Variants in LRRFIP1 observed in about 807,000 individuals in gnomAD.
LRRFIP1 encodes the protein LRR binding FLII interacting protein 1, also known as leucine-rich repeat flightless-interacting protein 1.
A neutral mutation model predicts 104.4 loss-of-function variants in LRRFIP1; 62 were observed. The observed-to-expected ratio is 0.59, with a 90% confidence interval of 0.48 to 0.73. The LOEUF (loss-of-function observed/expected upper bound fraction) is 0.73. Ranked by LOEUF, LRRFIP1 falls within the 30% of genes least tolerant of loss-of-function variation. The pLI is 0.00. For missense variants in LRRFIP1, 796 were observed against 824.5 expected, an observed-to-expected ratio of 0.97 and a Z score of 0.42; for synonymous variants, 300 against 299.0, an observed-to-expected ratio of 1.00 and a Z score of -0.03.
chr2:237,746,332 TAC>T (rs1269804581), intron 11 of LRRFIP1, among the ~76,000 whole-genome samples: 6 of 152,308 alleles, frequency 3.9e-5, no homozygotes, highest in African/African-American at 1.4e-4. Flanking sequence ...GTACTGGGAT[TAC>T]AGACAGGAGC....
chr2:237,724,083 G>A (rs1209088536), intron 7 of LRRFIP1, among the ~76,000 whole-genome samples: 1 of 139,532 alleles, frequency 7.2e-6, no homozygotes, highest in Non-Finnish European at 1.5e-5. Flanking sequence ...AGTATTCTTT[G>A]AGAAAACTCC....
chr2:237,727,732 A>G (rs915204209), intron 7 of LRRFIP1, 144 bp from the exon 8 acceptor site: 1 of 515,214 alleles, frequency 1.9e-6, no homozygotes, highest in African/African-American at 1.9e-5. Context: ...GGGAGCTGCC[A>G]GGACTTGTAC....
intron 19 of LRRFIP1, chr2:237,763,265 G>A: frequency 6.2e-7 from 1 of 1,614,150 alleles, no homozygotes; most frequent in Non-Finnish European, 8.5e-7. Context: ...CAAGACAGAA[G>A]TTCCTGGTTC....
Position 237,708,558 on chromosome 2 carries a change from C to A in LRRFIP1, c.111C>A (p.Leu37=). ...NQIAREAEAR[L]AAKRAARAEA... is the part of the protein sequence containing the mutation. ...GTCCGTTTCAGGCGGAAGCCCGGCT[C>A]GCTGCAAAACGGGCGGCCCGCGCGG... Residue 37 remains leucine, a synonymous_variant, in exon 2 of 24, where the codon CTC becomes CTA. Transcript: ENST00000308482. The A allele has an allele frequency of 6.3e-7, 1 of 1,581,362 alleles. No individual in the cohort carries two copies.
chr2:237,714,935 G>T (rs1407639271), intron 3 of LRRFIP1, among the ~76,000 whole-genome samples: 1 of 152,200 alleles, frequency 6.6e-6, no homozygotes, highest in Non-Finnish European at 1.5e-5. Flanking sequence ...TATAGAATTT[G>T]TATACACGGG....
At chr2:237,670,741 G>A (rs567636455) in intron 1 of LRRFIP1, among the ~76,000 whole-genome samples, 10 of 152,334 alleles carry the variant, frequency 6.6e-5, no homozygotes, top group African/African-American at 2.2e-4. Flanking sequence ...CAGGACTATG[G>A]GACCTCTGCA....
chr2:237,748,882 C>G (rs1024586836), intron 12 of LRRFIP1, among the ~76,000 whole-genome samples: 19 of 152,220 alleles, frequency 1.2e-4, no homozygotes. Context: ...CTTTAATTGA[C>G]TCACAGTTCC....
chr2:237,757,522 A>G lies in LRRFIP1; in HGVS notation c.1198A>G (p.Ile400Val). 7 of 1,588,472 alleles carry G rather than the reference A, an allele frequency of 4.4e-6. No individual in the cohort carries two copies. The highest frequency in any genetic ancestry group is 6.0e-6 in the Non-Finnish European group (7 of 1,166,862). Residue 400 changes from isoleucine to valine, a missense_variant, in exon 17 of 24, where the codon ATA (isoleucine) becomes GTA (valine). Physicochemically the swap from Ile to Val is conservative, Grantham distance 29. Transcript: ENST00000308482. ...IREISDLQET[I>V]EWKDKKIGAL... ...GGAGATTTCTGATCTTCAGGAAACAATAGAGTGGAAAGACAAAAAGATAGG... is the reference window on the plus strand; with the variant it reads ...GGAGATTTCTGATCTTCAGGAAACAGTAGAGTGGAAAGACAAAAAGATAGG...
At chr2:237,734,374 A>G (rs2095161529) in intron 9 of LRRFIP1, among the ~76,000 whole-genome samples, 1 of 134,028 alleles carries the variant, frequency 7.5e-6, no homozygotes, top group South Asian at 2.3e-4. Context: ...TACGCCTCCC[A>G]GGTTCAAGTG....
In LRRFIP1 at chr2:237,737,872, TAGTA is replaced by T. The variant is rs1400705767; in HGVS notation, c.556-1358_556-1355del. The stretch of plus-strand genomic sequence containing the variant: ...CGTCTTGCCCCTGAGTGTAAGTGTA[TAGTA>T]AACATTTATCAAATAAAATAGAGGT... On this transcript the variant is annotated intron_variant, in intron 10 of 23. Coordinates refer to ENST00000308482, the MANE Select transcript of LRRFIP1 (RefSeq NM_001137550.2). Among the ~76,000 whole-genome samples, 11 of 152,336 alleles carry T rather than the reference TAGTA, an allele frequency of 7.2e-5. No individual in the cohort carries two copies. In the East Asian group the frequency reaches 2.1e-3, roughly 29 times the overall value.
At chr2:237,759,539 TGTCTGCAGTTGGGAA>T (rs938101175) in intron 18 of LRRFIP1, among the ~76,000 whole-genome samples, 1 of 152,222 alleles carries the variant, frequency 6.6e-6, no homozygotes, top group African/African-American at 2.4e-5. Flanking sequence ...GGGTGAGTGA[TGTCTGCAGTTGGGAA>T]GTGCTGCTGT....
chr2:237,704,446 G>T (rs538072348), intron 1 of LRRFIP1, among the ~76,000 whole-genome samples: 3 of 152,272 alleles, frequency 2.0e-5, no homozygotes, highest in Admixed American at 6.5e-5. Context: ...GAACCACCGC[G>T]CCTGGCCAAC....
At chr2:237,668,663 G>A (rs958689958) in intron 1 of LRRFIP1, among the ~76,000 whole-genome samples, 8 of 151,884 alleles carry the variant, frequency 5.3e-5, no homozygotes, top group Non-Finnish European at 8.8e-5. Flanking sequence ...TGACTTCCTC[G>A]GCTGGGGTAG....
intron 1 of LRRFIP1, among the ~76,000 whole-genome samples, chr2:237,658,099 C>A (rs972364136): frequency 1.9e-4 from 29 of 152,290 alleles, no homozygotes; most frequent in Admixed American, 6.5e-4. Flanking sequence ...TTTAGGAAGG[C>A]AGCTGGGTAT....
chr2:237,744,243 G>T (rs1237766781), intron 11 of LRRFIP1, among the ~76,000 whole-genome samples: 1 of 152,210 alleles, frequency 6.6e-6, no homozygotes. Context: ...CCCTTAAAAT[G>T]GGTGTTTTCT....
chr2:237,682,534 T>C (rs1276041117), intron 1 of LRRFIP1, among the ~76,000 whole-genome samples: 1 of 152,212 alleles, frequency 6.6e-6, no homozygotes, highest in Non-Finnish European at 1.5e-5. Flanking sequence ...TTCTCTCCCA[T>C]CGGCTTACTC....
At chr2:237,726,101 A>G (rs2094737821) in intron 7 of LRRFIP1, among the ~76,000 whole-genome samples, 1 of 152,224 alleles carries the variant, frequency 6.6e-6, no homozygotes, top group Non-Finnish European at 1.5e-5. Flanking sequence ...TTGTTGCTGA[A>G]GACATGAAAG....
At chr2:237,693,901 G>A (rs2092986777) in intron 1 of LRRFIP1, among the ~76,000 whole-genome samples, 1 of 152,184 alleles carries the variant, frequency 6.6e-6, no homozygotes, top group Non-Finnish European at 1.5e-5. Context: ...CCTCCTGGGC[G>A]GGTCTGGGTT....
At position 237,758,787 on chromosome 2, in the gene LRRFIP1, GAGA is replaced by G. The variant is rs543200323; in HGVS notation, c.1289_1291del (p.Glu430del). The G allele has an allele frequency of 5.5e-4, 890 of 1,613,320 alleles. No individual in the cohort carries two copies. The highest frequency in any genetic ancestry group is 7.3e-4 in the Non-Finnish European group (865 of 1,179,648). The stretch of plus-strand genomic sequence containing the variant: ...GTAAGGAGTGAACGGGATGATCTTA[GAGA>G]AGAAGTAGTCATGCTGAAAGAGGAA... On this transcript the variant is annotated inframe_deletion, in exon 18 of 24. Coordinates refer to ENST00000308482, the MANE Select transcript of LRRFIP1 (RefSeq NM_001137550.2).
Sources: allele counts gnomAD v4.1 joint callset (sites outside exome capture counted in the v4.1 genomes callset), GRCh38; gene constraint gnomAD v4.1.1; transcripts MANE v1.5; gene names NCBI Gene and HGNC (gene_info 2026-07-23, HGNC 2026-07-21).